Variants in KITLG observed in about 807,000 individuals in gnomAD.
KITLG encodes c-Kit ligand.
A neutral mutation model predicts 34.1 loss-of-function variants in KITLG; 13 were observed. The ratio of observed to expected loss-of-function variants is 0.38; its 90% CI spans 0.25 to 0.61. KITLG has a LOEUF of 0.61. Among genes scored for constraint, KITLG ranks in the 20% least tolerant of loss-of-function variants. The pLI is 0.60. For missense variants in KITLG, 292 were observed against 318.9 expected (o/e 0.92, Z 0.64); for synonymous variants, 110 against 104.0 (o/e 1.06, Z -0.35).
intron 6 of KITLG, among the ~76,000 whole-genome samples, chr12:88,515,254 A>G (rs951802125): frequency 6.6e-6 from 1 of 151,860 alleles, no homozygotes; most frequent in Non-Finnish European, 1.5e-5. Flanking sequence ...TATGTTAATG[A>G]TTCAACAAAA....
chr12:88,570,815 G>A (rs1376682444), intron 1 of KITLG, among the ~76,000 whole-genome samples: 3 of 152,172 alleles, frequency 2.0e-5, no homozygotes, highest in African/African-American at 7.2e-5. Flanking sequence ...AATCGAATGA[G>A]ATACACTTGT....
At chr12:88,577,961 T>A (rs1484513187) in intron 1 of KITLG, among the ~76,000 whole-genome samples, 1 of 152,196 alleles carries the variant, frequency 6.6e-6, no homozygotes, top group African/African-American at 2.4e-5. Context: ...AACCATGGTA[T>A]TGATGCCATG....
chr12:88,550,465 G>C (rs1030025652), intron 1 of KITLG, among the ~76,000 whole-genome samples: 1 of 152,158 alleles, frequency 6.6e-6, no homozygotes, highest in Non-Finnish European at 1.5e-5. Context: ...GCAGAGCGCT[G>C]GAATGTGAAT....
At chr12:88,551,070 G>A (rs1870899130) in intron 1 of KITLG, among the ~76,000 whole-genome samples, 1 of 152,088 alleles carries the variant, frequency 6.6e-6, no homozygotes, top group African/African-American at 2.4e-5. Context: ...GTTAGCTTAT[G>A]AACATTCAAA....
At chr12:88,562,848 T>C (rs1798011) in intron 1 of KITLG, among the ~76,000 whole-genome samples, 142,497 of 152,240 alleles carry the variant, frequency 0.94, 66,746 homozygotes, top group East Asian at 0.98. Context: ...GGCCCAAAAT[T>C]GAAGGGCTGA....
intron 1 of KITLG, among the ~76,000 whole-genome samples, chr12:88,549,981 CGAGTAAGAT>C (rs1470472351): frequency 6.6e-6 from 1 of 151,930 alleles, no homozygotes; most frequent in African/African-American, 2.4e-5. Flanking sequence ...AGTTATAGGC[CGAGTAAGAT>C]AAGGACTGAT....
intron 6 of KITLG, among the ~76,000 whole-genome samples, chr12:88,508,677 T>C (rs901999297): frequency 3.3e-5 from 5 of 152,094 alleles, no homozygotes; most frequent in African/African-American, 1.2e-4. Flanking sequence ...CACATAACCA[T>C]GAATATCCTC....
chr12:88,527,844 A>T (rs1869935117), intron 3 of KITLG, among the ~76,000 whole-genome samples: 2 of 152,210 alleles, frequency 1.3e-5, no homozygotes, highest in Non-Finnish European at 2.9e-5. Flanking sequence ...ATTAAGAAAC[A>T]TCAATCAAAT....
intron 1 of KITLG, among the ~76,000 whole-genome samples, chr12:88,565,933 C>T (rs1398502142): frequency 6.6e-6 from 1 of 152,104 alleles, no homozygotes; most frequent in Non-Finnish European, 1.5e-5. Flanking sequence ...TCATCATCAA[C>T]AATATTCTGC....
chr12:88,578,961 G>C (rs1871919852), intron 1 of KITLG, among the ~76,000 whole-genome samples: 2 of 152,166 alleles, frequency 1.3e-5, no homozygotes, highest in Admixed American at 6.5e-5. Flanking sequence ...TCAATGCCTT[G>C]CCTGAAAGCT....
At chr12:88,499,925 G>A (rs948016521) in intron 9 of KITLG, among the ~76,000 whole-genome samples, 6 of 152,074 alleles carry the variant, frequency 3.9e-5, no homozygotes, top group Non-Finnish European at 8.8e-5. Context: ...CGTACATCTT[G>A]CCATACCAAC....
At chr12:88,498,509 G>A (rs1868725498) in intron 9 of KITLG, among the ~76,000 whole-genome samples, 1 of 152,018 alleles carries the variant, frequency 6.6e-6, no homozygotes, top group East Asian at 1.9e-4. Flanking sequence ...GAAAGCAAAA[G>A]GGAATCACAA....
intron 1 of KITLG, among the ~76,000 whole-genome samples, chr12:88,577,347 C>T (rs1592592410): frequency 6.6e-6 from 1 of 152,074 alleles, no homozygotes. Flanking sequence ...TTTCTTATCT[C>T]AGTATTTCTG....
chr12:88,512,915 A>C (rs1309774160), intron 6 of KITLG, among the ~76,000 whole-genome samples: 3 of 151,932 alleles, frequency 2.0e-5, no homozygotes, highest in African/African-American at 7.2e-5. Context: ...AGCCTGAAGG[A>C]AATTAATACC....
In KITLG at chr12:88,507,136, C is replaced by T; in HGVS notation, c.606G>A (p.Arg202=). The change falls in exon 7 of 10, where the codon AGG becomes AGA. Residue 202 remains arginine, a splice_region_variant and synonymous_variant. Coordinates refer to ENST00000644744, the MANE Select transcript of KITLG (RefSeq NM_000899.5). ...SLRNDSSSSN[R]KAKNPPGDSS... is the part of the protein sequence containing the mutation. ...AGTCTCCAGGGGGATTTTTGGCCTTCCCTATAATTTAAAGAACACACTGAT... is the reference window on the plus strand; with the variant it reads ...AGTCTCCAGGGGGATTTTTGGCCTTTCCTATAATTTAAAGAACACACTGAT... The T allele has an allele frequency of 6.3e-7, 1 of 1,594,376 alleles. No individual in the cohort carries two copies. Among genetic ancestry groups the T allele is most frequent in the Non-Finnish European group, 8.6e-7 (1 of 1,162,066 alleles).
intron 3 of KITLG, 37 bp from the exon 4 acceptor site, chr12:88,518,904 T>G (rs773960411): frequency 6.3e-7 from 1 of 1,589,978 alleles, no homozygotes; most frequent in Non-Finnish European, 8.6e-7. Flanking sequence ...ACAGCTATTT[T>G]AATAAGTAAG....
intron 6 of KITLG, among the ~76,000 whole-genome samples, chr12:88,511,932 A>G (rs1461908151): frequency 4.6e-5 from 7 of 152,170 alleles, no homozygotes; most frequent in Admixed American, 2.0e-4. Flanking sequence ...ACACAATTCA[A>G]TAGCCTCTAA....
chr12:88,532,324 T>C (rs1870126791), intron 3 of KITLG, 117 bp downstream of exon 3: 2 of 809,020 alleles, frequency 2.5e-6, no homozygotes. Flanking sequence ...AGATAAATTC[T>C]TCAAATCCTG....
At chr12:88,578,780 A>C (rs1404779078) in intron 1 of KITLG, among the ~76,000 whole-genome samples, 1 of 152,142 alleles carries the variant, frequency 6.6e-6, no homozygotes. Flanking sequence ...AGATCTCACC[A>C]CCATCCATGG....
Sources: gnomAD v4.1 joint callset for allele counts (sites outside exome capture counted in the v4.1 genomes callset) on GRCh38, gnomAD v4.1.1 for gene constraint, MANE v1.5 for transcripts, NCBI Gene and HGNC (gene_info 2026-07-23, HGNC 2026-07-21) for gene names.